PPP3CC: variants seen among roughly 807,000 people sequenced by gnomAD.
The protein encoded by PPP3CC is protein phosphatase 3 catalytic subunit gamma.
PPP3CC carries 35 observed loss-of-function variants against 60.3 expected under a neutral mutation model. That is an observed-to-expected ratio of 0.58 (90% CI 0.44 to 0.77). PPP3CC has a LOEUF of 0.77. Among genes scored for constraint, PPP3CC ranks in the 30% least tolerant of loss-of-function variants. PPP3CC has a pLI of 0.00. For synonymous variants in PPP3CC, 206 were observed against 224.3 expected, an observed-to-expected ratio of 0.92 and a Z score of 0.73; for missense variants, 570 against 628.9, an observed-to-expected ratio of 0.91 and a Z score of 1.00.
chr8:22,495,467 T>C (rs1346340622), intron 3 of PPP3CC, among the ~76,000 whole-genome samples: 1 of 152,154 alleles, frequency 6.6e-6, no homozygotes, highest in East Asian at 1.9e-4. Flanking sequence ...ATCTTCAGGG[T>C]AGATTCCTAG....
intron 3 of PPP3CC, chr8:22,492,882 G>A (rs1211750186): frequency 8.9e-7 from 1 of 1,117,670 alleles, no homozygotes; most frequent in Non-Finnish European, 1.4e-6. Flanking sequence ...TACAGGCCAT[G>A]CTGAGACAAA....
At chr8:22,480,742 G>A (rs1167504006) in intron 3 of PPP3CC, among the ~76,000 whole-genome samples, 1 of 152,108 alleles carries the variant, frequency 6.6e-6, no homozygotes. Context: ...GCCTCCCAAA[G>A]TGCCAGGATT....
Position 22,469,735 on chromosome 8 carries a change from A to G in PPP3CC, c.50-5219A>G, listed in dbSNP as rs572728383. ...AGTATGAGTGAGAAAGCTTTCAGGT[A>G]ATTCCAGCCCCAGGTTGTCGAGTAT... On this transcript the variant is annotated intron_variant, in intron 1 of 13. Coordinates refer to ENST00000240139, the MANE Select transcript of PPP3CC (RefSeq NM_005605.5). Among the ~76,000 whole-genome samples, 4 of 152,232 alleles carry G rather than the reference A, an allele frequency of 2.6e-5. No homozygotes were observed. In the East Asian group the frequency reaches 7.7e-4, roughly 29 times the overall value.
intron 1 of PPP3CC, among the ~76,000 whole-genome samples, chr8:22,456,230 G>A (rs956941172): frequency 4.6e-5 from 7 of 152,070 alleles, no homozygotes; most frequent in Admixed American, 4.6e-4. Context: ...ACTCACCGCA[G>A]GTCAACCCAT....
rs1338151709 is a variant in PPP3CC at position 22,498,010 on chromosome 8, T to C, written c.382T>C (p.Tyr128His). ...TGAATTTGTCTTGTAGTGTGTGCTGTATTTATGGAGTTTAAAGATTAATCA... is the reference window on the plus strand; with the variant it reads ...TGAATTTGTCTTGTAGTGTGTGCTGCATTTATGGAGTTTAAAGATTAATCA... ...RGYFSIECVL[Y>H]LWSLKINHPK... Residue 128 changes from tyrosine to histidine, a missense_variant, in exon 4 of 14, where the codon TAT becomes CAT. Coordinates refer to ENST00000240139, the MANE Select transcript of PPP3CC (RefSeq NM_005605.5). 36 of 1,609,950 alleles carry C rather than the reference T, an allele frequency of 2.2e-5. No homozygotes were observed. The highest frequency in any genetic ancestry group is 3.0e-5 in the Non-Finnish European group (35 of 1,177,254).
At chr8:22,469,905 A>C (rs1161752522) in intron 1 of PPP3CC, among the ~76,000 whole-genome samples, 1 of 151,972 alleles carries the variant, frequency 6.6e-6, no homozygotes, top group African/African-American at 2.4e-5. Flanking sequence ...GTTACATGGC[A>C]GTAGATAATT....
At chr8:22,492,745 A>C in intron 3 of PPP3CC, 2 of 1,022,398 alleles carry the variant, frequency 2.0e-6, no homozygotes, top group Non-Finnish European at 3.1e-6. Flanking sequence ...ATGATAAAAA[A>C]CTTCAGTTCT....
chr8:22,539,435 G>T, intron 12 of PPP3CC, 34 bp from the exon 13 acceptor site: 1 of 1,611,860 alleles, frequency 6.2e-7, no homozygotes, highest in Admixed American at 1.7e-5. Flanking sequence ...TTCTGTCTTC[G>T]TTTTTGCATG....
chr8:22,498,983 G>T (rs1244223461), intron 4 of PPP3CC, among the ~76,000 whole-genome samples: 2 of 151,934 alleles, frequency 1.3e-5, no homozygotes, highest in African/African-American at 4.8e-5. Flanking sequence ...AATTAGCCGG[G>T]TGTGGTCGTG....
rs768404099 is a variant in PPP3CC at position 22,528,576 on chromosome 8, A to C, written c.1140A>C (p.Glu380Asp). ...AACTGATTTCTGATGATGAAGCAGAAGGTAAACTTTTCCTCCTTTGAACTA... is the reference window on the plus strand; with the variant it reads ...AACTGATTTCTGATGATGAAGCAGACGGTAAACTTTTCCTCCTTTGAACTA... ...DDELISDDEA[E>D]GSTTVRKEII... Residue 380 changes from glutamate to aspartate, a missense_variant and splice_region_variant, in exon 10 of 14, where the codon GAA becomes GAC. Transcript: ENST00000240139. The C allele has an allele frequency of 3.3e-6, 5 of 1,537,614 alleles. No individual in the cohort carries two copies. The highest frequency in any genetic ancestry group is 2.6e-6 in the Non-Finnish European group (3 of 1,135,648).
intron 1 of PPP3CC, among the ~76,000 whole-genome samples, chr8:22,458,206 A>G (rs968235212): frequency 6.6e-6 from 1 of 152,252 alleles, no homozygotes; most frequent in African/African-American, 2.4e-5. Flanking sequence ...TTATTTAACT[A>G]GAATATAATT....
chr8:22,520,726 T>G (rs888773163), intron 6 of PPP3CC, among the ~76,000 whole-genome samples: 1 of 152,234 alleles, frequency 6.6e-6, no homozygotes, highest in Non-Finnish European at 1.5e-5. Context: ...TTTCCTGATT[T>G]TGTTTAGTTG....
chr8:22,514,842 G>C (rs999906059), intron 6 of PPP3CC, among the ~76,000 whole-genome samples: 2 of 151,796 alleles, frequency 1.3e-5, no homozygotes, highest in African/African-American at 2.4e-5. Flanking sequence ...ACCATGCCTG[G>C]CTAATTTTTG....
chr8:22,444,612 A>G (rs1836770141), intron 1 of PPP3CC, among the ~76,000 whole-genome samples: 1 of 152,172 alleles, frequency 6.6e-6, no homozygotes, highest in African/African-American at 2.4e-5. Flanking sequence ...TTTCTTCTCT[A>G]TCTGTTGAAG....
chr8:22,472,289 T>C (rs1435676397), intron 1 of PPP3CC, among the ~76,000 whole-genome samples: 1 of 145,088 alleles, frequency 6.9e-6, no homozygotes, highest in Non-Finnish European at 1.5e-5. Flanking sequence ...AATTTTTCTT[T>C]ATATCTTTAT....
intron 1 of PPP3CC, among the ~76,000 whole-genome samples, chr8:22,458,371 G>T (rs1018819851): frequency 6.6e-6 from 1 of 152,196 alleles, no homozygotes; most frequent in East Asian, 1.9e-4. Context: ...GCCGAGGCAG[G>T]CGGATTGCTT....
chr8:22,441,849 T>A (rs537484069), intron 1 of PPP3CC, among the ~76,000 whole-genome samples: 1 of 152,136 alleles, frequency 6.6e-6, no homozygotes, highest in African/African-American at 2.4e-5. Flanking sequence ...TTTCTTGACG[T>A]CCGCCCCCCA....
chr8:22,527,513 A>G lies in PPP3CC; in HGVS notation c.1065A>G (p.Glu355=), dbSNP rs142943356. The change falls in exon 9 of 14, where the codon GAA becomes GAG. Residue 355 remains glutamate (E), a synonymous_variant. Coordinates refer to ENST00000240139, the MANE Select transcript of PPP3CC (RefSeq NM_005605.5). ...CATGGTCTTTGCCTTTTGTTGGGGA[A>G]AAAGGTAAGAGAACTAAAGCACATG... ...VFTWSLPFVG[E]KVTEMLVNVL... 1.2e-6 allele frequency: 2 copies of G among 1,613,922 alleles called. No individual in the cohort carries two copies. The highest frequency in any genetic ancestry group is 1.3e-5 in the African/African-American group (1 of 75,052).
chr8:22,504,142 ATAATGT>A (rs1378268842), intron 4 of PPP3CC, among the ~76,000 whole-genome samples: 1 of 152,108 alleles, frequency 6.6e-6, no homozygotes, highest in Non-Finnish European at 1.5e-5. Context: ...TGGAAAAGTA[ATAATGT>A]TTTTTTTTAA....
Sources: allele counts gnomAD v4.1 joint callset (sites outside exome capture counted in the v4.1 genomes callset), GRCh38; gene constraint gnomAD v4.1.1; transcripts MANE v1.5; gene names NCBI Gene and HGNC (gene_info 2026-07-23, HGNC 2026-07-21).